CPSF7: variants seen among roughly 807,000 people sequenced by gnomAD.
The protein encoded by CPSF7 is cleavage and polyadenylation specificity factor subunit 7.
Under a neutral mutation model 44.3 loss-of-function variants are expected in CPSF7, and 1 was observed. The observed-to-expected ratio is 0.02, with a 90% CI of 0.01 to 0.11. The LOEUF (loss-of-function observed/expected upper bound fraction) is 0.11. CPSF7 is among the 10% of genes least tolerant of loss of function. CPSF7 has a pLI of 1.00. For missense variants in CPSF7, 443 were observed against 607.2 expected (o/e 0.73, Z 2.84); for synonymous variants, 202 against 222.0 (o/e 0.91, Z 0.80).
intron 1 of CPSF7, 124 bp from the exon 2 acceptor site, chr11:61,429,414 C>A (rs543739997): frequency 5.1e-6 from 3 of 587,872 alleles, no homozygotes; most frequent in East Asian, 6.6e-5. Context: ...CTCGGCCCCA[C>A]CCGCTCCGCC....
At position 61,415,721 on chromosome 11, in the gene CPSF7, T is replaced by G. The variant is rs760785328; in HGVS notation, c.1002A>C (p.Arg334=). The G allele has an allele frequency of 6.2e-7, 1 of 1,614,240 alleles. No homozygotes were observed. The highest frequency in any genetic ancestry group is 8.5e-7 in the Non-Finnish European group (1 of 1,180,028). The change falls in exon 7 of 10, where the codon CGA becomes CGC. Residue 334 remains arginine, a synonymous_variant. Coordinates refer to ENST00000439958, the MANE Select transcript of CPSF7 (RefSeq NM_001142565.3). The part of the protein sequence containing the change: ...SEAEFEDIMK[R]NRAISSSAIS... ...TGGCACTGCTGGAAATTGCTCTGTT[T>G]CGCTTCATGATATCTTCAAATTCGG... is the stretch of plus-strand genomic sequence containing the variant.
intron 2 of CPSF7, among the ~76,000 whole-genome samples, chr11:61,428,484 C>T (rs994336466): frequency 2.0e-5 from 3 of 152,186 alleles, no homozygotes; most frequent in African/African-American, 7.2e-5. Flanking sequence ...CCTTGCCCAG[C>T]TCTAGATAAA....
chr11:61,428,162 A>G (rs1444758341), intron 2 of CPSF7, among the ~76,000 whole-genome samples: 1 of 152,170 alleles, frequency 6.6e-6, no homozygotes, highest in East Asian at 1.9e-4. Context: ...ACTGCATGGA[A>G]GATTATTTCT....
intron 7 of CPSF7, 145 bp downstream of exon 7, chr11:61,415,521 T>A: frequency 3.2e-6 from 2 of 625,242 alleles, no homozygotes; most frequent in Non-Finnish European, 5.8e-6. Flanking sequence ...GAAATCAGGT[T>A]ACATATTGCT....
chr11:61,410,881 A>G, intron 9 of CPSF7, 57 bp downstream of exon 9: 1 of 1,492,002 alleles, frequency 6.7e-7, no homozygotes, highest in Non-Finnish European at 9.0e-7. Flanking sequence ...ATTCTTCACT[A>G]TAAATCTTTT....
intron 9 of CPSF7, among the ~76,000 whole-genome samples, chr11:61,408,263 G>A (rs1305666910): frequency 6.6e-6 from 1 of 151,764 alleles, no homozygotes; most frequent in African/African-American, 2.4e-5. Flanking sequence ...GGGTTTCACC[G>A]TGTTAGCCAG....
chr11:61,426,488 G>A (rs940607662), intron 2 of CPSF7: 2 of 152,098 alleles, frequency 1.3e-5, no homozygotes, highest in Admixed American at 6.6e-5. Context: ...CTTGCCTAGT[G>A]TCAAATATTG....
intron 7 of CPSF7, among the ~76,000 whole-genome samples, chr11:61,414,173 A>G (rs953072661): frequency 5.2e-5 from 7 of 133,858 alleles, no homozygotes; most frequent in African/African-American, 1.7e-4. Flanking sequence ...TTTTTGAGAC[A>G]CAGTTTCACT....
intron 5 of CPSF7, among the ~76,000 whole-genome samples, chr11:61,417,774 T>C (rs1186228376): frequency 1.3e-5 from 2 of 152,220 alleles, no homozygotes; most frequent in Non-Finnish European, 2.9e-5. Flanking sequence ...CAGCTACTAC[T>C]GTTGTCACAT....
chr11:61,424,897 T>C (rs957475893), intron 2 of CPSF7, among the ~76,000 whole-genome samples: 6 of 152,244 alleles, frequency 3.9e-5, no homozygotes, highest in African/African-American at 1.4e-4. Context: ...AAATTTGTAA[T>C]GTAAAAATGA....
At chr11:61,413,557 G>T (rs1052381369) in intron 7 of CPSF7, among the ~76,000 whole-genome samples, 2 of 151,772 alleles carry the variant, frequency 1.3e-5, no homozygotes, top group African/African-American at 4.8e-5. Context: ...CTTAAATCTG[G>T]GAGGGAGAGG....
At chr11:61,407,050 C>G (rs1859400535) in intron 9 of CPSF7, among the ~76,000 whole-genome samples, 1 of 152,220 alleles carries the variant, frequency 6.6e-6, no homozygotes, top group Non-Finnish European at 1.5e-5. Flanking sequence ...AAGTTACAGG[C>G]ATGAGCCACT....
chr11:61,407,705 T>C (rs1859448652), intron 9 of CPSF7, among the ~76,000 whole-genome samples: 1 of 152,230 alleles, frequency 6.6e-6, no homozygotes, highest in African/African-American at 2.4e-5. Flanking sequence ...AAAATATTAG[T>C]AATTTTTCAT....
chr11:61,421,096 G>T (rs781164452), intron 3 of CPSF7: 181 of 1,378,046 alleles, frequency 1.3e-4, no homozygotes, highest in Non-Finnish European at 1.7e-4. Context: ...AGTTCAAGGT[G>T]TTCACTCTGA....
chr11:61,418,501 A>G (rs957433786), intron 5 of CPSF7, among the ~76,000 whole-genome samples: 1 of 152,142 alleles, frequency 6.6e-6, no homozygotes, highest in African/African-American at 2.4e-5. Context: ...CATAAACCAT[A>G]ACACCAATTT....
intron 2 of CPSF7, among the ~76,000 whole-genome samples, chr11:61,426,238 T>C (rs1219649236): frequency 6.6e-6 from 1 of 152,260 alleles, no homozygotes; most frequent in Non-Finnish European, 1.5e-5. Flanking sequence ...GCGAAATCAG[T>C]AACATTCTTA....
chr11:61,416,840 C>T (rs1048932582), intron 5 of CPSF7, among the ~76,000 whole-genome samples: 1 of 152,126 alleles, frequency 6.6e-6, no homozygotes, highest in Non-Finnish European at 1.5e-5. Flanking sequence ...TGATAGCCCA[C>T]GAGAAAATGA....
intron 7 of CPSF7, among the ~76,000 whole-genome samples, chr11:61,413,633 CAA>C (rs1192019975): frequency 0.03 from 2,585 of 85,832 alleles, 81 homozygotes; most frequent in African/African-American, 0.095. Context: ...GACTTCGTCT[CAA>C]AAAAAAAAAA....
At position 61,417,221 on chromosome 11, in the gene CPSF7, C is replaced by A. The variant is rs1042136184; in HGVS notation, c.524-702G>T. Among the ~76,000 whole-genome samples the A allele has an allele frequency of 6.6e-5, 10 of 152,200 alleles. No homozygotes were observed. In the East Asian group the frequency reaches 1.9e-3, roughly 29 times the overall value. On this transcript the variant is annotated intron_variant, in intron 5 of 9. Transcript: ENST00000439958. ...AAGGATGCTTAGCAAAAGCTTGCTA[C>A]AAAACATGTCTCCAATCTGGGGAAC...
Sources: allele counts gnomAD v4.1 joint callset (sites outside exome capture counted in the v4.1 genomes callset), GRCh38; gene constraint gnomAD v4.1.1; transcripts MANE v1.5; gene names NCBI Gene and HGNC (gene_info 2026-07-23, HGNC 2026-07-21).